Variants in MAP4 observed in about 807,000 individuals in gnomAD.
MAP4 encodes the protein microtubule associated protein 4.
Under a neutral mutation model 170.2 loss-of-function variants are expected in MAP4, and 76 were observed. The observed-to-expected ratio is 0.45, with a 90% CI of 0.37 to 0.54. The LOEUF is 0.54. MAP4 is among the 20% of genes least tolerant of loss of function. The pLI is 0.00. For synonymous variants in MAP4, 909 were observed against 994.5 expected (o/e 0.91, Z 1.62); for missense variants, 2,506 against 2,748.0 (o/e 0.91, Z 1.97).
chr3:47,935,921 G>A (rs1386586266), intron 3 of MAP4, among the ~76,000 whole-genome samples: 5 of 141,938 alleles, frequency 3.5e-5, no homozygotes, highest in East Asian at 4.1e-4. Context: ...CTGCAGTGAC[G>A]TAGTGAGACT....
At chr3:47,941,370 T>C (rs1367948724) in intron 3 of MAP4, among the ~76,000 whole-genome samples, 1 of 151,576 alleles carries the variant, frequency 6.6e-6, no homozygotes, top group African/African-American at 2.4e-5. Context: ...TTGTGTGAAA[T>C]GGATTTTCTT....
At position 48,084,063 on chromosome 3, in the gene MAP4, T is replaced by C. The variant is rs908578687; in HGVS notation, c.-20+4710A>G. ...TTTTTTAACCTATAAATAATCACAA[T>C]AGCTGGTCGCAGCGGGAGTGCCTGT... On this transcript the variant is annotated intron_variant, in intron 1 of 18. Coordinates refer to the MAP4 transcript ENST00000360240. 7.9e-5 allele frequency among the ~76,000 whole-genome samples: 12 copies of C among 151,698 alleles called. No homozygotes were observed. The South Asian group carries it at 1.9e-3, about 24-fold the overall frequency.
At chr3:47,995,654 G>A (rs1483433962) in intron 2 of MAP4, among the ~76,000 whole-genome samples, 1 of 152,010 alleles carries the variant, frequency 6.6e-6, no homozygotes, top group Non-Finnish European at 1.5e-5. Context: ...ATATATTAAG[G>A]AAGCAGGTTT....
intron 2 of MAP4, among the ~76,000 whole-genome samples, chr3:47,980,158 A>G (rs2100084639): frequency 6.6e-6 from 1 of 152,110 alleles, no homozygotes; most frequent in Non-Finnish European, 1.5e-5. Context: ...GCTTTTCCAT[A>G]TAAATTTTAG....
chr3:48,000,760 C>T (rs1403782014), intron 1 of MAP4, among the ~76,000 whole-genome samples: 2 of 152,184 alleles, frequency 1.3e-5, no homozygotes, highest in Non-Finnish European at 2.9e-5. Flanking sequence ...CCAACCCAAA[C>T]TTGAAAAAGT....
chr3:48,049,382 G>C (rs182443977), intron 1 of MAP4, among the ~76,000 whole-genome samples: 1 of 152,072 alleles, frequency 6.6e-6, no homozygotes, highest in Non-Finnish European at 1.5e-5. Context: ...CACTTTGGGA[G>C]GCCAAGGCAG....
At chr3:47,883,317 G>T (rs568442633) in intron 10 of MAP4, among the ~76,000 whole-genome samples, 2 of 152,002 alleles carry the variant, frequency 1.3e-5, no homozygotes, top group African/African-American at 4.8e-5. Flanking sequence ...TCCACCTCCC[G>T]AGTTCAAGCG....
intron 19 of MAP4, among the ~76,000 whole-genome samples, chr3:47,854,630 G>A (rs997713529): frequency 6.6e-6 from 1 of 152,226 alleles, no homozygotes; most frequent in Non-Finnish European, 1.5e-5. Context: ...ACTGTGGAAG[G>A]AGGAAGGGAG....
intron 10 of MAP4, among the ~76,000 whole-genome samples, chr3:47,881,887 C>T (rs890392972): frequency 2.6e-5 from 4 of 152,076 alleles, no homozygotes; most frequent in South Asian, 2.1e-4. Flanking sequence ...AAGCAGGAGC[C>T]GCTGTACCTG....
In MAP4 at chr3:47,852,433, C is replaced by T. The variant is rs991371319; in HGVS notation, c.*501G>A. The T allele has an allele frequency of 2.1e-5, 5 of 235,738 alleles. No individual in the cohort carries two copies. Among genetic ancestry groups the T allele is most frequent in the South Asian group, 1.1e-4 (1 of 9,378 alleles). The allele number at this position is 235,738 out of a possible 1,614,324, so 14.6% of individuals were successfully genotyped here. A position where few individuals can be genotyped will look rare whatever the true frequency, so the allele number is the denominator to read the frequency against. On this transcript the variant is annotated 3_prime_UTR_variant, in exon 21 of 21. Transcript: ENST00000683076. The stretch of plus-strand genomic sequence containing the variant: ...GGGAGAGGCAGTGGCTTAAGCTCCA[C>T]GGTCAGCGTCCTGTCACCACTCGGA...
intron 1 of MAP4, among the ~76,000 whole-genome samples, chr3:48,077,722 T>C (rs1376077108): frequency 1.3e-5 from 2 of 152,152 alleles, no homozygotes; most frequent in Non-Finnish European, 2.9e-5. Flanking sequence ...AAAATAAATG[T>C]CCATATAAAA....
At chr3:48,087,381 G>C (rs2100149620) in intron 1 of MAP4, among the ~76,000 whole-genome samples, 1 of 152,096 alleles carries the variant, frequency 6.6e-6, no homozygotes, top group Non-Finnish European at 1.5e-5. Flanking sequence ...TGCTCAGCTT[G>C]GATTCAGGAT....
intron 1 of MAP4, among the ~76,000 whole-genome samples, chr3:48,050,865 A>G (rs2100127406): frequency 6.6e-6 from 1 of 150,952 alleles, no homozygotes; most frequent in Non-Finnish European, 1.5e-5. Context: ...AGATCGCGCC[A>G]TTGCACTCCA....
At chr3:48,051,643 A>T (rs7627645) in intron 1 of MAP4, among the ~76,000 whole-genome samples, 91,798 of 152,018 alleles carry the variant, frequency 0.6, 29,004 homozygotes, top group East Asian at 0.72. Context: ...TCCATCAATT[A>T]TGAAATAACT....
Position 48,056,951 on chromosome 3 carries a change from C to T in MAP4, c.-20+31822G>A, listed in dbSNP as rs1284153320. 8.4e-5 allele frequency among the ~76,000 whole-genome samples: 11 copies of T among 130,628 alleles called. No homozygotes were observed. The South Asian group carries it at 1.8e-3, about 21-fold the overall frequency. The allele number at this position is 130,628 out of a possible 152,430, so 85.7% of individuals were successfully genotyped here. On this transcript the variant is annotated intron_variant, in intron 1 of 18. Transcript: ENST00000360240. ...GAGGGAGGTGGGGGGTTCAGCCCCC[C>T]GCCCGGCCAGCCGCCCCGTCCGGGA...
chr3:47,875,648 C>T (rs755545815), intron 12 of MAP4, 37 bp downstream of exon 12: 51 of 1,562,594 alleles, frequency 3.3e-5, no homozygotes, highest in Middle Eastern at 2.3e-4. Flanking sequence ...CAGAGGGGAA[C>T]AATTTTCCTC....
intron 1 of MAP4, among the ~76,000 whole-genome samples, chr3:48,014,351 T>C (rs970913212): frequency 2.0e-5 from 3 of 152,184 alleles, no homozygotes; most frequent in African/African-American, 7.2e-5. Flanking sequence ...AAATTGGCAA[T>C]CTGGTTTACC....
At chr3:48,005,244 C>T (rs1250688564) in intron 1 of MAP4, among the ~76,000 whole-genome samples, 4 of 152,060 alleles carry the variant, frequency 2.6e-5, no homozygotes, top group Non-Finnish European at 5.9e-5. Flanking sequence ...CCCTGTAATC[C>T]CAGCTACTCG....
chr3:47,853,893 A>T (rs2049364341), intron 19 of MAP4, among the ~76,000 whole-genome samples: 1 of 152,122 alleles, frequency 6.6e-6, no homozygotes, highest in African/African-American at 2.4e-5. Context: ...GGAGGCAGAA[A>T]GGTGTCCAAG....
Sources: allele counts gnomAD v4.1 joint callset (sites outside exome capture counted in the v4.1 genomes callset), GRCh38; gene constraint gnomAD v4.1.1; transcripts MANE v1.5; gene names NCBI Gene and HGNC (gene_info 2026-07-23, HGNC 2026-07-21).